MCTP2: variants seen among roughly 807,000 people sequenced by gnomAD.
MCTP2 encodes the protein multiple C2 and transmembrane domain containing 2, also known as multiple C2 and transmembrane domain-containing protein 2.
Under a neutral mutation model 111.6 loss-of-function variants are expected in MCTP2, and 132 were observed. That is an observed-to-expected ratio of 1.18 (90% CI 1.03 to 1.37). The LOEUF is 1.37. Ranked by LOEUF, MCTP2 falls within the 40% of genes most tolerant of loss-of-function variation. The probability of loss-of-function intolerance (pLI) is 0.00; values close to 1 mark genes in which losing one functional copy is unlikely to be tolerated. For missense variants in MCTP2, 1,183 were observed against 1,067.9 expected (o/e 1.11, Z -1.50); for synonymous variants, 395 against 387.7 (o/e 1.02, Z -0.22).
At chr15:94,382,678 G>C (rs559296675) in intron 12 of MCTP2, among the ~76,000 whole-genome samples, 1 of 152,376 alleles carries the variant, frequency 6.6e-6, no homozygotes, top group South Asian at 2.1e-4. Flanking sequence ...TGACCCGAAT[G>C]GTAGGCCAGC....
At chr15:94,322,251 A>G (rs2076663589) in intron 4 of MCTP2, among the ~76,000 whole-genome samples, 3 of 152,128 alleles carry the variant, frequency 2.0e-5, no homozygotes, top group South Asian at 4.1e-4. Flanking sequence ...ACCATGGAGG[A>G]GCAGCAGCTT....
chr15:94,268,088 A>G (rs140593316), intron 1 of MCTP2, among the ~76,000 whole-genome samples: 64 of 151,162 alleles, frequency 4.2e-4, no homozygotes, highest in South Asian at 6.3e-4. Flanking sequence ...GGATGGTCTC[A>G]ATCTCCTGAC....
At chr15:94,374,201 A>G (rs1391957178) in intron 12 of MCTP2, among the ~76,000 whole-genome samples, 1 of 152,232 alleles carries the variant, frequency 6.6e-6, no homozygotes, top group African/African-American at 2.4e-5. Context: ...ATACAAAGTT[A>G]ATCTCATAAA....
chr15:94,469,909 C>G (rs1407555285), intron 20 of MCTP2, among the ~76,000 whole-genome samples: 4 of 151,958 alleles, frequency 2.6e-5, no homozygotes, highest in Non-Finnish European at 4.4e-5. Flanking sequence ...TCTCCCTTTT[C>G]TGGTAAAGGA....
chr15:94,270,498 A>T (rs2073849349), intron 1 of MCTP2, among the ~76,000 whole-genome samples: 2 of 152,134 alleles, frequency 1.3e-5, no homozygotes, highest in Admixed American at 6.6e-5. Flanking sequence ...AGACTGGCCT[A>T]CATGGACCTG....
chr15:94,273,154 C>T (rs1046509636), intron 1 of MCTP2, among the ~76,000 whole-genome samples: 2 of 152,188 alleles, frequency 1.3e-5, no homozygotes, highest in Non-Finnish European at 2.9e-5. Flanking sequence ...ACATTGCTTT[C>T]TCAATACCTG....
At chr15:94,458,381 C>G in intron 20 of MCTP2, 135 bp downstream of exon 20, 1 of 622,458 alleles carries the variant, frequency 1.6e-6, no homozygotes, top group African/African-American at 1.8e-5. Flanking sequence ...GTTGGGTTAG[C>G]ACTGTCTGAC....
At chr15:94,260,508 G>A (rs796153645) in intron 1 of MCTP2, among the ~76,000 whole-genome samples, 1 of 152,142 alleles carries the variant, frequency 6.6e-6, no homozygotes, top group East Asian at 1.9e-4. Context: ...AGTAAATGGG[G>A]CTTCCAACAC....
chr15:94,235,126 C>T (rs1481198533), intron 1 of MCTP2, among the ~76,000 whole-genome samples: 1 of 152,046 alleles, frequency 6.6e-6, no homozygotes, highest in Non-Finnish European at 1.5e-5. Flanking sequence ...GTGGCAGTGC[C>T]TATAATCCTA....
intron 12 of MCTP2, among the ~76,000 whole-genome samples, chr15:94,378,944 A>G (rs2079936526): frequency 6.6e-6 from 1 of 152,266 alleles, no homozygotes; most frequent in African/African-American, 2.4e-5. Flanking sequence ...GGTACATCAT[A>G]CAGCAGGCAT....
intron 8 of MCTP2, among the ~76,000 whole-genome samples, chr15:94,347,097 A>G (rs2078026157): frequency 1.3e-5 from 2 of 152,256 alleles, no homozygotes; most frequent in South Asian, 4.1e-4. Flanking sequence ...TTTTGCTGGG[A>G]AATTTCAATT....
intron 1 of MCTP2, among the ~76,000 whole-genome samples, chr15:94,244,080 GCA>G (rs1436474149): frequency 4.4e-5 from 6 of 137,054 alleles, no homozygotes; most frequent in East Asian, 2.2e-4. Flanking sequence ...ATATATTTAT[GCA>G]CACATATGTA....
At chr15:94,259,770 G>A (rs1010418731) in intron 1 of MCTP2, among the ~76,000 whole-genome samples, 8 of 152,202 alleles carry the variant, frequency 5.3e-5, no homozygotes, top group Non-Finnish European at 8.8e-5. Flanking sequence ...ATCATTTGGT[G>A]AAGGATACTG....
At chr15:94,383,415 C>T (rs181071336) in intron 12 of MCTP2, among the ~76,000 whole-genome samples, 2 of 152,304 alleles carry the variant, frequency 1.3e-5, no homozygotes. Context: ...GTATGTGTGG[C>T]CGCTGGCTTT....
intron 1 of MCTP2, among the ~76,000 whole-genome samples, chr15:94,233,537 G>A (rs1192180860): frequency 6.6e-6 from 1 of 152,108 alleles, no homozygotes; most frequent in Non-Finnish European, 1.5e-5. Context: ...ACAGCTGCAA[G>A]ATGATTAGCG....
intron 22 of MCTP2, 71 bp downstream of exon 22, chr15:94,476,864 C>T (rs919270539): frequency 2.3e-6 from 2 of 881,012 alleles, no homozygotes; most frequent in African/African-American, 1.7e-5. Flanking sequence ...GCCAGAGGAA[C>T]ACAAGGCTTT....
chr15:94,424,518 T>A (rs2082784522), intron 17 of MCTP2, among the ~76,000 whole-genome samples: 1 of 152,146 alleles, frequency 6.6e-6, no homozygotes, highest in Non-Finnish European at 1.5e-5. Context: ...CTTAGCAATC[T>A]TGTTTAAATA....
intron 19 of MCTP2, among the ~76,000 whole-genome samples, chr15:94,456,326 A>G (rs1030282900): frequency 5.9e-5 from 9 of 152,112 alleles, no homozygotes; most frequent in Non-Finnish European, 1.0e-4. Context: ...TTTCACAGGG[A>G]AAAAAAATTA....
rs566579439 is a variant in MCTP2 at position 94,287,474 on chromosome 15, T to G, written c.-65-10727T>G. Among the ~76,000 whole-genome samples the G allele has an allele frequency of 7.2e-4, 109 of 152,328 alleles. No homozygotes were observed. In the South Asian group the frequency reaches 0.022, roughly 30 times the overall value. On this transcript the variant is annotated intron_variant, in intron 1 of 22. Transcript: ENST00000357742. Reference sequence around the variant, plus strand: ...GATCCTTATTTTCTCTGGGCATATCTTTTTGTGTTTATATGTTTATAATTT... The same window carrying G: ...GATCCTTATTTTCTCTGGGCATATCGTTTTGTGTTTATATGTTTATAATTT...
Sources: gnomAD v4.1 joint callset for allele counts (sites outside exome capture counted in the v4.1 genomes callset) on GRCh38, gnomAD v4.1.1 for gene constraint, MANE v1.5 for transcripts, NCBI Gene and HGNC (gene_info 2026-07-23, HGNC 2026-07-21) for gene names.